Variants in DOCK3 observed in about 807,000 individuals in gnomAD.
The protein encoded by DOCK3 is dedicator of cytokinesis protein 3.
In DOCK3, 60 loss-of-function variants were observed where a neutral mutation model predicts 265.6. The ratio of observed to expected loss-of-function variants is 0.23; its 90% CI spans 0.18 to 0.28. The LOEUF (loss-of-function observed/expected upper bound fraction) is 0.28. Ranked by LOEUF, DOCK3 falls within the 10% of genes least tolerant of loss-of-function variation. The pLI, the probability that DOCK3 is intolerant of heterozygous loss-of-function variation, is 1.00. For missense variants in DOCK3, 1,981 were observed against 2,594.3 expected, an observed-to-expected ratio of 0.76 and a Z score of 5.14; for synonymous variants, 881 against 938.0, an observed-to-expected ratio of 0.94 and a Z score of 1.11.
intron 12 of DOCK3, among the ~76,000 whole-genome samples, chr3:51,203,568 C>T (rs1048576197): frequency 1.3e-5 from 2 of 152,054 alleles, no homozygotes; most frequent in Non-Finnish European, 2.9e-5. Flanking sequence ...AGAATCAATA[C>T]TGTGAAAATG....
At chr3:50,975,750 C>A (rs1478287776) in intron 5 of DOCK3, among the ~76,000 whole-genome samples, 5 of 152,134 alleles carry the variant, frequency 3.3e-5, no homozygotes, top group African/African-American at 1.2e-4. Flanking sequence ...TGGTAGAATT[C>A]CGCTGTGAAT....
chr3:50,753,922 G>A (rs1359768342), intron 1 of DOCK3, among the ~76,000 whole-genome samples: 1 of 151,990 alleles, frequency 6.6e-6, no homozygotes, highest in African/African-American at 2.4e-5. Context: ...TTGGGAGGCC[G>A]AGGCAAGTGG....
chr3:51,208,630 C>A, intron 12 of DOCK3, 144 bp from the exon 13 acceptor site: 1 of 638,146 alleles, frequency 1.6e-6, no homozygotes, highest in Non-Finnish European at 2.7e-6. Flanking sequence ...GGAAATGAGC[C>A]TTGTTTAATT....
At position 50,890,029 on chromosome 3, in the gene DOCK3, A is replaced by G; in HGVS notation, c.166A>G (p.Ile56Val). 1.4e-6 allele frequency: 2 copies of G among 1,413,586 alleles called. No individual in the cohort carries two copies. The highest frequency in any genetic ancestry group is 1.6e-5 in the South Asian group (1 of 62,114). 87.6% of individuals were successfully genotyped at this position (1,413,586 alleles called of 1,614,324 possible). Reference sequence around the variant, plus strand: ...GGAAATATTTTCTCTTTTACAGGGGATCTTTCCTGCAAATTACATTCACTT... The same window carrying G: ...GGAAATATTTTCTCTTTTACAGGGGGTCTTTCCTGCAAATTACATTCACTT... ...VSTKKPNVKG[I>V]FPANYIHLKK... Residue 56 changes from isoleucine (I) to valine (V), a missense_variant, in exon 4 of 53, where the codon ATC (isoleucine) becomes GTC (valine). By Grantham distance (29) the Ile-to-Val change is conservative (BLOSUM62 3). Transcript: ENST00000266037.
intron 5 of DOCK3, among the ~76,000 whole-genome samples, chr3:50,982,980 G>A (rs1341416268): frequency 1.3e-5 from 2 of 152,164 alleles, no homozygotes; most frequent in African/African-American, 4.8e-5. Flanking sequence ...CAGGTTCAAG[G>A]GTTTCTGCTC....
rs116417589 is a variant in DOCK3, at chr3:51,281,774, A to G, written c.2922+1570A>G. ...CTTTCTCTAGCAGGCTTCCCTGTAG[A>G]TGGCCAAAGAGATCTGCCCTTTTGG... is the stretch of plus-strand genomic sequence containing the variant. On this transcript the variant is annotated intron_variant, in intron 27 of 52. Transcript: ENST00000266037. Among the ~76,000 whole-genome samples, 1,360 of 152,288 alleles carry G rather than the reference A, an allele frequency of 8.9e-3. 24 individuals are homozygous for G. Among genetic ancestry groups the G allele is most frequent in the African/African-American group, 0.031 (1,293 of 41,548 alleles).
intron 5 of DOCK3, among the ~76,000 whole-genome samples, chr3:50,951,731 C>G (rs62257831): frequency 2.0e-5 from 3 of 151,746 alleles, no homozygotes; most frequent in Non-Finnish European, 4.4e-5. Context: ...GACTGTTATC[C>G]TGGTTTAAAA....
chr3:51,318,776 T>C (rs1297870438), intron 32 of DOCK3, among the ~76,000 whole-genome samples: 2 of 152,150 alleles, frequency 1.3e-5, no homozygotes, highest in African/African-American at 4.8e-5. Context: ...ACTTGATCCA[T>C]TGGTTTTAAG....
chr3:51,053,117 A>C (rs1317261558), intron 5 of DOCK3, among the ~76,000 whole-genome samples: 1 of 120,006 alleles, frequency 8.3e-6, no homozygotes, highest in African/African-American at 3.0e-5. Flanking sequence ...ATATATATAT[A>C]TATATGGATT....
In DOCK3 at chr3:51,089,248, A is replaced by T. The variant is rs2082543131; in HGVS notation, c.555A>T (p.Leu185Phe). 6.2e-7 allele frequency: 1 copy of T among 1,608,370 alleles called. No individual in the cohort carries two copies. Residue 185 changes from leucine (L) to phenylalanine (F), a missense_variant, in exon 8 of 53, where the codon TTA becomes TTT. Leu to Phe is a conservative substitution (Grantham distance 22, BLOSUM62 0). Transcript: ENST00000266037. Reference sequence around the variant, plus strand: ...TTCTTTCCTTCTTTCCATAGCATTTATCTAGCCGGCAGAGTGTACAGCAAA... The same window carrying T: ...TTCTTTCCTTCTTTCCATAGCATTTTTCTAGCCGGCAGAGTGTACAGCAAA... ...ISVSDLYKMH[L>F]SSRQSVQQST...
chr3:51,152,892 A>G (rs1169969451), intron 10 of DOCK3, among the ~76,000 whole-genome samples: 1 of 152,184 alleles, frequency 6.6e-6, no homozygotes, highest in East Asian at 1.9e-4. Flanking sequence ...AGGGGCACCC[A>G]CCTGTATGAG....
rs1221142877 is a variant in DOCK3 at position 51,348,958 on chromosome 3, C to G, written c.4002+20C>G. On this transcript the variant is annotated intron_variant, in intron 39 of 52. Transcript: ENST00000266037. Reference sequence around the variant, plus strand: ...ATTCGGGTGAGCTGTGCCCCTCCCCCCACCCCAGCCCTGACTGGCATCAGT... The same window carrying G: ...ATTCGGGTGAGCTGTGCCCCTCCCCGCACCCCAGCCCTGACTGGCATCAGT... 9.0e-7 allele frequency: 1 copy of G among 1,112,916 alleles called. No individual in the cohort carries two copies. Among genetic ancestry groups the G allele is most frequent in the East Asian group, 4.9e-5 (1 of 20,422 alleles). The allele number at this position is 1,112,916 out of a possible 1,614,324, so 68.9% of individuals were successfully genotyped here. A position where few individuals can be genotyped will look rare whatever the true frequency, so the allele number is the denominator to read the frequency against.
At chr3:51,255,337 T>G (rs895642995) in intron 22 of DOCK3, among the ~76,000 whole-genome samples, 22 of 152,186 alleles carry the variant, frequency 1.4e-4, no homozygotes, top group African/African-American at 4.3e-4. Flanking sequence ...ATCTGACAGT[T>G]ATGTGTCTTG....
intron 38 of DOCK3, among the ~76,000 whole-genome samples, chr3:51,342,514 C>T (rs895509590): frequency 4.6e-5 from 7 of 152,174 alleles, no homozygotes; most frequent in Non-Finnish European, 4.4e-5. Flanking sequence ...TGGAGCTGCC[C>T]CTCACCCTCA....
chr3:51,061,989 G>A (rs947147552), intron 5 of DOCK3, among the ~76,000 whole-genome samples: 1 of 152,004 alleles, frequency 6.6e-6, no homozygotes, highest in East Asian at 1.9e-4. Flanking sequence ...AGCAAATTCT[G>A]GCACCTCTAC....
chr3:50,758,362 T>C (rs2040320682), intron 1 of DOCK3, among the ~76,000 whole-genome samples: 1 of 151,730 alleles, frequency 6.6e-6, no homozygotes, highest in South Asian at 2.1e-4. Context: ...TGTGGATCCT[T>C]TATATTTTGT....
In DOCK3 at chr3:51,341,254, C is replaced by T. The variant is rs2085220759; in HGVS notation, c.3784C>T (p.Leu1262Phe). 1.9e-6 allele frequency: 3 copies of T among 1,590,678 alleles called. No individual in the cohort carries two copies. The highest frequency in any genetic ancestry group is 2.6e-6 in the Non-Finnish European group (3 of 1,168,030). Residue 1262 changes from leucine to phenylalanine, a missense_variant, in exon 38 of 53, where the codon CTC becomes TTC. Leu to Phe is a conservative substitution (Grantham distance 22). Around this residue, in one of 4 missense-constraint regions of DOCK3, gnomAD observed 1,357 missense variants for 1,866.8 expected, o/e 0.73. Transcript: ENST00000266037. ...CCCCACAGAGGCCGCATTTACCCTG[C>T]TCCTTTACTGTGAGCTGCTGCAGTG... Reference protein sequence around the residue: ...ENYTEAAFTLLLYCELLQWED... With the variant: ...ENYTEAAFTLFLYCELLQWED...
intron 51 of DOCK3, among the ~76,000 whole-genome samples, chr3:51,376,232 T>C (rs1367753922): frequency 6.6e-6 from 1 of 152,124 alleles, no homozygotes; most frequent in Non-Finnish European, 1.5e-5. Context: ...TCCTTGGAGC[T>C]CAGAACAGGC....
chr3:51,283,836 G>A lies in DOCK3; in HGVS notation c.2922+3632G>A, dbSNP rs530610672. On this transcript the variant is annotated intron_variant, in intron 27 of 52. Transcript: ENST00000266037. ...TGTGTCCATAGACTACATGAAAAAG[G>A]TTGTGGTTTCGTATGGGCATGTAAG... 6.6e-5 allele frequency among the ~76,000 whole-genome samples: 10 copies of A among 152,188 alleles called. No homozygotes were observed. In the South Asian group the frequency reaches 2.1e-3, roughly 32 times the overall value.
Sources: allele counts gnomAD v4.1 joint callset (sites outside exome capture counted in the v4.1 genomes callset), GRCh38; gene constraint gnomAD v4.1.1; regional missense constraint gnomAD v4.1.1; transcripts MANE v1.5; gene names NCBI Gene and HGNC (gene_info 2026-07-23, HGNC 2026-07-21).